FOCAD: variants seen among roughly 807,000 people sequenced by gnomAD.
The protein encoded by FOCAD is KIAA1797.
A neutral mutation model predicts 225.6 loss-of-function variants in FOCAD; 198 were observed. That is an observed-to-expected ratio of 0.88 (90% CI 0.78 to 0.99). FOCAD has a LOEUF of 0.99. Among genes scored for constraint, FOCAD ranks in the 50% least tolerant of loss-of-function variants. The pLI, the probability that FOCAD is intolerant of heterozygous loss-of-function variation, is 0.00. For missense variants in FOCAD, 2,713 were observed against 2,123.6 expected, an observed-to-expected ratio of 1.28 and a Z score of -5.46; for synonymous variants, 897 against 755.0, an observed-to-expected ratio of 1.19 and a Z score of -3.08.
At chr9:20,990,497 C>T in intron 42 of FOCAD, 123 bp downstream of exon 42, 1 of 1,197,714 alleles carries the variant, frequency 8.3e-7, no homozygotes, top group Non-Finnish European at 1.2e-6. Context: ...TCCTACCCAG[C>T]CCCATATCTC....
intron 8 of FOCAD, among the ~76,000 whole-genome samples, chr9:20,772,728 T>G (rs1311412169): frequency 6.6e-6 from 1 of 151,702 alleles, no homozygotes; most frequent in African/African-American, 2.4e-5. Context: ...GGTGAGGAAA[T>G]GAGAGAGTAA....
chr9:20,779,699 G>A (rs370770694), intron 9 of FOCAD, among the ~76,000 whole-genome samples: 6 of 151,764 alleles, frequency 4.0e-5, no homozygotes, highest in African/African-American at 1.4e-4. Context: ...GTAGTGAGCC[G>A]AGATCGCGCC....
chr9:20,914,158 G>A (rs974728656), intron 23 of FOCAD, among the ~76,000 whole-genome samples: 1 of 151,532 alleles, frequency 6.6e-6, no homozygotes, highest in African/African-American at 2.4e-5. Flanking sequence ...ACCTTGAAGT[G>A]AGCTCTTCCT....
intron 33 of FOCAD, among the ~76,000 whole-genome samples, chr9:20,950,137 TA>T (rs998047780): frequency 2.3e-4 from 34 of 148,132 alleles, no homozygotes; most frequent in African/African-American, 5.4e-4. Flanking sequence ...TTTTAAGATT[TA>T]AAAAAAAAAG....
chr9:20,834,328 A>G (rs957564656), intron 15 of FOCAD, among the ~76,000 whole-genome samples: 1 of 152,042 alleles, frequency 6.6e-6, no homozygotes, highest in Non-Finnish European at 1.5e-5. Context: ...GCATCTGAGA[A>G]GAATAGCTAA....
chr9:20,955,770 T>C (rs1172783868), intron 35 of FOCAD, among the ~76,000 whole-genome samples: 1 of 152,190 alleles, frequency 6.6e-6, no homozygotes, highest in Non-Finnish European at 1.5e-5. Flanking sequence ...TCTACTTTTA[T>C]TCTTTTGTCT....
At chr9:20,975,195 C>T (rs950833991) in intron 35 of FOCAD, among the ~76,000 whole-genome samples, 1 of 152,146 alleles carries the variant, frequency 6.6e-6, no homozygotes, top group East Asian at 1.9e-4. Context: ...CTATTTCTGG[C>T]CTCCTCGTAG....
chr9:20,817,643 A>G (rs193196709), intron 11 of FOCAD, among the ~76,000 whole-genome samples: 7 of 136,262 alleles, frequency 5.1e-5, no homozygotes, highest in Admixed American at 3.0e-4. Flanking sequence ...ATCATATAAC[A>G]TGAGGCCTTT....
At chr9:20,672,745 C>G (rs897801096) in intron 2 of FOCAD, among the ~76,000 whole-genome samples, 3 of 152,176 alleles carry the variant, frequency 2.0e-5, no homozygotes, top group Non-Finnish European at 2.9e-5. Flanking sequence ...GCCACTGCGC[C>G]CGGCCAAAAA....
At chr9:20,765,098 A>C in intron 7 of FOCAD, 25 bp downstream of exon 7, 1 of 1,591,992 alleles carries the variant, frequency 6.3e-7, no homozygotes, top group Non-Finnish European at 8.6e-7. Flanking sequence ...CTCCTCCACA[A>C]ATATAGGTCA....
intron 10 of FOCAD, among the ~76,000 whole-genome samples, chr9:20,782,257 T>G (rs1587141447): frequency 6.6e-6 from 1 of 152,346 alleles, no homozygotes; most frequent in East Asian, 1.9e-4. Flanking sequence ...TTTAAAATTA[T>G]ACTGTTAGTT....
chr9:20,782,320 A>G (rs1476533423), intron 10 of FOCAD, among the ~76,000 whole-genome samples: 1 of 152,224 alleles, frequency 6.6e-6, no homozygotes, highest in Non-Finnish European at 1.5e-5. Flanking sequence ...AATAGTCCTC[A>G]AATGCCTGGA....
chr9:20,826,625 C>T (rs1824919327), intron 15 of FOCAD, among the ~76,000 whole-genome samples: 2 of 152,030 alleles, frequency 1.3e-5, no homozygotes, highest in South Asian at 4.1e-4. Flanking sequence ...CTCTAGAGAA[C>T]CCTAATTAAT....
intron 23 of FOCAD, 63 bp from the exon 24 acceptor site, chr9:20,916,830 A>C: frequency 6.9e-7 from 1 of 1,456,830 alleles, no homozygotes; most frequent in East Asian, 2.4e-5. Context: ...ATTGATGAAA[A>C]AGAGAAAGGA....
intron 11 of FOCAD, among the ~76,000 whole-genome samples, chr9:20,814,865 T>A (rs1208799725): frequency 1.3e-5 from 2 of 152,114 alleles, no homozygotes; most frequent in African/African-American, 4.8e-5. Context: ...TTACATGGTT[T>A]TTTTAGTTAT....
chr9:20,878,253 G>A (rs937953014), intron 19 of FOCAD, among the ~76,000 whole-genome samples: 26 of 152,306 alleles, frequency 1.7e-4, no homozygotes, highest in Middle Eastern at 3.4e-3. Context: ...GTGAAGGGGC[G>A]GAAGTTGTAC....
At chr9:20,799,057 T>C (rs1040692507) in intron 11 of FOCAD, among the ~76,000 whole-genome samples, 1 of 152,242 alleles carries the variant, frequency 6.6e-6, no homozygotes, top group Non-Finnish European at 1.5e-5. Context: ...GTCTTTGTTC[T>C]CATTGGTTTC....
chr9:20,800,039 C>T (rs1350270660), intron 11 of FOCAD, among the ~76,000 whole-genome samples: 1 of 152,046 alleles, frequency 6.6e-6, no homozygotes, highest in Non-Finnish European at 1.5e-5. Context: ...TTAGGACAGG[C>T]CTGGTGGTGA....
intron 23 of FOCAD, among the ~76,000 whole-genome samples, chr9:20,914,361 A>C (rs779485642): frequency 2.6e-5 from 4 of 152,124 alleles, no homozygotes; most frequent in African/African-American, 4.8e-5. Context: ...TGTAATAAAC[A>C]AATAAACAAA....
Sources: gnomAD v4.1 joint callset for allele counts (sites outside exome capture counted in the v4.1 genomes callset) on GRCh38, gnomAD v4.1.1 for gene constraint, MANE v1.5 for transcripts, NCBI Gene and HGNC (gene_info 2026-07-23, HGNC 2026-07-21) for gene names.